Variants in MNAT1 observed in about 807,000 individuals in gnomAD.
MNAT1 encodes MNAT1 component of CDK activating kinase, also known as CDK-activating kinase assembly factor MAT1.
MNAT1 carries 43 observed loss-of-function variants against 42.0 expected under a neutral mutation model. That is an observed-to-expected ratio of 1.02 (90% CI 0.80 to 1.32). The LOEUF (loss-of-function observed/expected upper bound fraction) is 1.32. Among genes scored for constraint, MNAT1 ranks in the 40% most tolerant of loss-of-function variants. The probability of loss-of-function intolerance (pLI) is 0.00; values close to 1 mark genes in which losing one functional copy is unlikely to be tolerated. For missense variants in MNAT1, 306 were observed against 350.4 expected (o/e 0.87, Z 1.01); for synonymous variants, 118 against 120.0 (o/e 0.98, Z 0.11).
intron 7 of MNAT1, among the ~76,000 whole-genome samples, chr14:60,961,112 G>A (rs577737493): frequency 4.6e-5 from 7 of 152,196 alleles, no homozygotes; most frequent in South Asian, 2.1e-4. Context: ...ACAGGCATGC[G>A]CCTCTGTGTC....
At chr14:60,763,856 T>G (rs1396379609) in intron 1 of MNAT1, among the ~76,000 whole-genome samples, 1 of 152,208 alleles carries the variant, frequency 6.6e-6, no homozygotes, top group Non-Finnish European at 1.5e-5. Flanking sequence ...ATGATTAAAT[T>G]ACTTATTGTC....
chr14:60,960,934 A>G (rs991802577), intron 7 of MNAT1, among the ~76,000 whole-genome samples: 3 of 152,076 alleles, frequency 2.0e-5, no homozygotes, highest in Admixed American at 2.0e-4. Context: ...CATTTACATT[A>G]TCAGGTTTCC....
At chr14:60,927,542 CT>C (rs1185726142) in intron 7 of MNAT1, among the ~76,000 whole-genome samples, 1 of 152,142 alleles carries the variant, frequency 6.6e-6, no homozygotes, top group Non-Finnish European at 1.5e-5. Context: ...CAAGGGTGCC[CT>C]GTACTTGGAG....
chr14:60,960,835 T>C (rs1335399923), intron 7 of MNAT1, among the ~76,000 whole-genome samples: 1 of 152,222 alleles, frequency 6.6e-6, no homozygotes, highest in Non-Finnish European at 1.5e-5. Flanking sequence ...CACCATTGCA[T>C]CAAGCCTGGA....
chr14:60,853,579 T>C (rs1594804022), intron 6 of MNAT1, among the ~76,000 whole-genome samples: 1 of 152,326 alleles, frequency 6.6e-6, no homozygotes, highest in East Asian at 1.9e-4. Flanking sequence ...CTACCAGTAC[T>C]ATGTTGAATA....
At chr14:60,966,669 C>T (rs564239604) in intron 7 of MNAT1, among the ~76,000 whole-genome samples, 23 of 152,094 alleles carry the variant, frequency 1.5e-4, no homozygotes, top group African/African-American at 4.3e-4. Context: ...TGTGCCACCA[C>T]GCCCAGCCAA....
chr14:60,814,315 TTA>T (rs1191167757), intron 5 of MNAT1, among the ~76,000 whole-genome samples: 5 of 152,158 alleles, frequency 3.3e-5, no homozygotes, highest in African/African-American at 2.4e-5. Context: ...TAACTAAGGT[TTA>T]TGAAGTGTTT....
intron 7 of MNAT1, among the ~76,000 whole-genome samples, chr14:60,940,008 A>G (rs1168152086): frequency 2.6e-5 from 4 of 151,842 alleles, no homozygotes; most frequent in Admixed American, 6.6e-5. Flanking sequence ...GTCTCTCTTG[A>G]TCTTTGTTGG....
At chr14:60,809,932 ATAT>A (rs1195461352) in intron 4 of MNAT1, among the ~76,000 whole-genome samples, 1 of 152,062 alleles carries the variant, frequency 6.6e-6, no homozygotes, top group Non-Finnish European at 1.5e-5. Context: ...AGAAGGATTG[ATAT>A]TAATTCTTCT....
At chr14:60,779,287 C>T (rs911713244) in intron 1 of MNAT1, among the ~76,000 whole-genome samples, 7 of 152,106 alleles carry the variant, frequency 4.6e-5, no homozygotes, top group Admixed American at 2.6e-4. Flanking sequence ...GGCATGGTAA[C>T]CAGAGTTTCA....
intron 7 of MNAT1, among the ~76,000 whole-genome samples, chr14:60,909,727 C>G (rs2035303375): frequency 6.6e-6 from 1 of 152,136 alleles, no homozygotes; most frequent in African/African-American, 2.4e-5. Context: ...GTTACTGTAG[C>G]CTTGTAATAT....
At position 60,856,609 on chromosome 14, in the gene MNAT1, A is replaced by G. The variant is rs372378371; in HGVS notation, c.688-23105A>G. Among the ~76,000 whole-genome samples, 10 of 152,284 alleles carry G rather than the reference A, an allele frequency of 6.6e-5. No individual in the cohort carries two copies. The South Asian group carries it at 8.3e-4, about 13-fold the overall frequency. On this transcript the variant is annotated intron_variant, in intron 6 of 7. Transcript: ENST00000261245. ...TCAATGCCCGGTTTCAAAGTTTCAA[A>G]AGGCAAGGCTGCTGACTCTCTTTTT... is the stretch of plus-strand genomic sequence containing the variant.
At chr14:60,773,516 G>T (rs1385237082) in intron 1 of MNAT1, among the ~76,000 whole-genome samples, 1 of 152,046 alleles carries the variant, frequency 6.6e-6, no homozygotes, top group Non-Finnish European at 1.5e-5. Context: ...TAAAAAGCAG[G>T]ATATATATCA....
intron 6 of MNAT1, among the ~76,000 whole-genome samples, chr14:60,834,463 C>A (rs1168536789): frequency 6.6e-6 from 1 of 152,112 alleles, no homozygotes; most frequent in Non-Finnish European, 1.5e-5. Context: ...TGTAGTTTGG[C>A]AGTTTTGAGT....
intron 6 of MNAT1, among the ~76,000 whole-genome samples, chr14:60,879,049 T>C (rs1229820797): frequency 1.3e-5 from 2 of 152,080 alleles, no homozygotes; most frequent in Non-Finnish European, 2.9e-5. Flanking sequence ...TTTTTTTTTT[T>C]CCTCACAAAT....
At chr14:60,833,478 GT>G (rs1487567548) in intron 6 of MNAT1, among the ~76,000 whole-genome samples, 18 of 152,236 alleles carry the variant, frequency 1.2e-4, no homozygotes, top group Admixed American at 1.2e-3. Flanking sequence ...GATTGATTAT[GT>G]TTTTTGATTT....
chr14:60,855,070 G>A (rs961677732), intron 6 of MNAT1, among the ~76,000 whole-genome samples: 2 of 152,184 alleles, frequency 1.3e-5, no homozygotes, highest in African/African-American at 4.8e-5. Context: ...CTGTGCTGTG[G>A]TGAATTCTGC....
chr14:60,935,119 A>T (rs1354917739), intron 7 of MNAT1, among the ~76,000 whole-genome samples: 2 of 152,164 alleles, frequency 1.3e-5, no homozygotes, highest in African/African-American at 4.8e-5. Flanking sequence ...ATCTAGGTAA[A>T]TGTGTTTTCC....
intron 1 of MNAT1, among the ~76,000 whole-genome samples, chr14:60,736,492 A>G (rs181575396): frequency 4.1e-4 from 62 of 152,274 alleles, no homozygotes; most frequent in African/African-American, 1.5e-3. Context: ...CCTTTTTGTT[A>G]AGATCTAAGA....
Sources: gnomAD v4.1 joint callset for allele counts (sites outside exome capture counted in the v4.1 genomes callset) on GRCh38, gnomAD v4.1.1 for gene constraint, MANE v1.5 for transcripts, NCBI Gene and HGNC (gene_info 2026-07-23, HGNC 2026-07-21) for gene names.